PRTG: variants seen among roughly 807,000 people sequenced by gnomAD.
PRTG encodes immunoglobulin superfamily, DCC subclass, member 5.
PRTG carries 67 observed loss-of-function variants against 122.5 expected under a neutral mutation model. The observed-to-expected ratio is 0.55, with a 90% CI of 0.45 to 0.67. PRTG has a LOEUF of 0.67. PRTG is among the 30% of genes least tolerant of loss of function. The pLI is 0.00. For missense variants in PRTG, 1,435 were observed against 1,415.4 expected (o/e 1.01, Z -0.22); for synonymous variants, 554 against 501.1 (o/e 1.11, Z -1.41).
chr15:55,730,758 C>T (rs2031202875), intron 2 of PRTG, among the ~76,000 whole-genome samples: 1 of 152,144 alleles, frequency 6.6e-6, no homozygotes, highest in Non-Finnish European at 1.5e-5. Context: ...CGAGATGGCG[C>T]CACTGCACTC....
intron 11 of PRTG, among the ~76,000 whole-genome samples, chr15:55,658,687 C>T (rs1280014366): frequency 2.0e-5 from 3 of 152,108 alleles, no homozygotes; most frequent in Non-Finnish European, 4.4e-5. Flanking sequence ...TATTGTAAGT[C>T]CCCTCCCATT....
At chr15:55,719,653 A>G (rs1480661375) in intron 2 of PRTG, among the ~76,000 whole-genome samples, 1 of 152,236 alleles carries the variant, frequency 6.6e-6, no homozygotes, top group Non-Finnish European at 1.5e-5. Flanking sequence ...TTATTTTACT[A>G]AATCATAACA....
chr15:55,678,088 T>A (rs2059513837), intron 7 of PRTG, 44 bp from the exon 8 acceptor site: 2 of 1,279,604 alleles, frequency 1.6e-6, no homozygotes, highest in Non-Finnish European at 2.2e-6. Flanking sequence ...ATTCTAAGAA[T>A]GAATTCAAAA....
chr15:55,711,582 G>A (rs1200507470), intron 2 of PRTG, among the ~76,000 whole-genome samples: 1 of 151,966 alleles, frequency 6.6e-6, no homozygotes, highest in Admixed American at 6.6e-5. Context: ...ACAAACTCAG[G>A]ACAGCCTGCT....
At chr15:55,667,896 G>A (rs2059447707) in intron 11 of PRTG, among the ~76,000 whole-genome samples, 1 of 152,030 alleles carries the variant, frequency 6.6e-6, no homozygotes, top group African/African-American at 2.4e-5. Context: ...GACCAGCCTG[G>A]GCAACAGAAT....
At chr15:55,634,251 T>C (rs2059244033) in intron 15 of PRTG, among the ~76,000 whole-genome samples, 1 of 151,654 alleles carries the variant, frequency 6.6e-6, no homozygotes, top group African/African-American at 2.4e-5. Flanking sequence ...ATATTTTTAG[T>C]AGAGATGAGG....
At chr15:55,657,330 G>T (rs1212170392) in intron 11 of PRTG, among the ~76,000 whole-genome samples, 3 of 152,064 alleles carry the variant, frequency 2.0e-5, no homozygotes, top group African/African-American at 7.2e-5. Flanking sequence ...TAAAAAGAGT[G>T]GACGTGTAGC....
At chr15:55,654,420 C>G (rs7171834) in intron 11 of PRTG, among the ~76,000 whole-genome samples, 1 of 151,994 alleles carries the variant, frequency 6.6e-6, no homozygotes, top group South Asian at 2.1e-4. Context: ...ATTATAAGTA[C>G]GAAATTTATA....
chr15:55,724,551 G>A (rs577617201), intron 2 of PRTG, among the ~76,000 whole-genome samples: 2 of 151,940 alleles, frequency 1.3e-5, no homozygotes, highest in African/African-American at 4.8e-5. Context: ...AGGAGTTTGA[G>A]ACCAGCCTGG....
At chr15:55,735,119 T>C (rs1240767646) in intron 2 of PRTG, among the ~76,000 whole-genome samples, 1 of 152,194 alleles carries the variant, frequency 6.6e-6, no homozygotes, top group East Asian at 1.9e-4. Context: ...AGTATTAAAA[T>C]AGTCTTGACT....
chr15:55,679,047 A>G (rs188153029), intron 7 of PRTG, among the ~76,000 whole-genome samples: 1 of 152,312 alleles, frequency 6.6e-6, no homozygotes, highest in Non-Finnish European at 1.5e-5. Context: ...GGAACTGTGT[A>G]ACATGCATTT....
At chr15:55,653,461 CTATT>C (rs1267798630) in intron 11 of PRTG, among the ~76,000 whole-genome samples, 2 of 146,520 alleles carry the variant, frequency 1.4e-5, no homozygotes, top group African/African-American at 2.7e-5. Flanking sequence ...TTGATCATCT[CTATT>C]TTTTTTTTTT....
At chr15:55,679,043 GT>G (rs1231112365) in intron 7 of PRTG, among the ~76,000 whole-genome samples, 3 of 152,138 alleles carry the variant, frequency 2.0e-5, no homozygotes, top group African/African-American at 7.2e-5. Flanking sequence ...TTGGGGAACT[GT>G]GTAACATGCA....
chr15:55,663,985 C>T (rs1407842083), intron 11 of PRTG, among the ~76,000 whole-genome samples: 3 of 152,232 alleles, frequency 2.0e-5, no homozygotes, highest in Non-Finnish European at 4.4e-5. Flanking sequence ...CTGCTTTTTA[C>T]TGCTGAGGAG....
rs2059532495 is a variant in PRTG, at chr15:55,680,595, ATTG to A, written c.707_709del (p.Thr236del). The A allele has an allele frequency of 6.4e-7, 1 of 1,570,782 alleles. No homozygotes were observed. The highest frequency in any genetic ancestry group is 8.6e-7 in the Non-Finnish European group (1 of 1,156,334). ...TGTTATGTTCTGTGGACCTGCTATA[ATTG>A]TTGGTGTGTGGAAGGATTTTGACTC... On this transcript the variant is annotated inframe_deletion, in exon 5 of 20. Coordinates refer to ENST00000389286, the MANE Select transcript of PRTG (RefSeq NM_173814.6).
intron 2 of PRTG, among the ~76,000 whole-genome samples, chr15:55,684,685 C>A (rs1307963657): frequency 1.0e-5 from 1 of 96,350 alleles, no homozygotes; most frequent in Non-Finnish European, 2.2e-5. Context: ...ATAGGGATTA[C>A]AGAACTGGGT....
intron 2 of PRTG, among the ~76,000 whole-genome samples, chr15:55,685,633 G>A (rs534959902): frequency 6.6e-6 from 1 of 152,204 alleles, no homozygotes; most frequent in Admixed American, 6.5e-5. Flanking sequence ...TGCTCCTCTG[G>A]CTAATTTTTT....
intron 12 of PRTG, 80 bp from the exon 13 acceptor site, chr15:55,639,908 A>T: frequency 2.6e-6 from 4 of 1,538,406 alleles, no homozygotes; most frequent in Non-Finnish European, 1.8e-6. Context: ...AAATAATAAT[A>T]TCCCACCCTA....
intron 11 of PRTG, among the ~76,000 whole-genome samples, chr15:55,650,397 T>C (rs2059347124): frequency 1.3e-5 from 2 of 152,094 alleles, no homozygotes; most frequent in South Asian, 4.1e-4. Context: ...GAGCAGAACT[T>C]GACCCTACAA....
Sources: gnomAD v4.1 joint callset for allele counts (sites outside exome capture counted in the v4.1 genomes callset) on GRCh38, gnomAD v4.1.1 for gene constraint, MANE v1.5 for transcripts, NCBI Gene and HGNC (gene_info 2026-07-23, HGNC 2026-07-21) for gene names.